SDK2: variants seen among roughly 807,000 people sequenced by gnomAD.
The protein encoded by SDK2 is protein sidekick-2.
In SDK2, 105 loss-of-function variants were observed where a neutral mutation model predicts 253.9. The observed-to-expected ratio is 0.41, with a 90% CI of 0.35 to 0.49. SDK2 has a LOEUF of 0.49. Ranked by LOEUF, SDK2 falls within the 20% of genes least tolerant of loss-of-function variation. The pLI, the probability that SDK2 is intolerant of heterozygous loss-of-function variation, is 0.06. For missense variants in SDK2, 2,608 were observed against 3,003.0 expected (o/e 0.87, Z 3.07); for synonymous variants, 1,249 against 1,234.9 (o/e 1.01, Z -0.24).
intron 1 of SDK2, among the ~76,000 whole-genome samples, chr17:73,592,352 G>A (rs1206499083): frequency 2.0e-5 from 3 of 152,248 alleles, no homozygotes; most frequent in Non-Finnish European, 4.4e-5. Flanking sequence ...GATCAGAAAT[G>A]TGTAAGAGCA....
intron 1 of SDK2, among the ~76,000 whole-genome samples, chr17:73,587,115 C>G (rs929145657): frequency 3.9e-5 from 6 of 152,194 alleles, no homozygotes; most frequent in African/African-American, 1.4e-4. Flanking sequence ...CAAGACTATC[C>G]ACCCAGCTAC....
chr17:73,558,737 A>T (rs2045183250), intron 1 of SDK2, among the ~76,000 whole-genome samples: 1 of 152,072 alleles, frequency 6.6e-6, no homozygotes, highest in Non-Finnish European at 1.5e-5. Context: ...AAGTTAACAG[A>T]ACTTCAGGGC....
At chr17:73,585,661 C>T (rs2045593647) in intron 1 of SDK2, among the ~76,000 whole-genome samples, 1 of 152,186 alleles carries the variant, frequency 6.6e-6, no homozygotes, top group South Asian at 2.1e-4. Flanking sequence ...GGCCTGACTA[C>T]CCCCTACACT....
intron 16 of SDK2, among the ~76,000 whole-genome samples, chr17:73,417,634 G>A (rs2063193786): frequency 2.0e-5 from 3 of 152,028 alleles, no homozygotes; most frequent in South Asian, 4.1e-4. Flanking sequence ...GAACTTGCAG[G>A]TCTCAGCCTT....
chr17:73,610,656 T>G (rs1227389595), intron 1 of SDK2, among the ~76,000 whole-genome samples: 1 of 152,100 alleles, frequency 6.6e-6, no homozygotes, highest in Non-Finnish European at 1.5e-5. Context: ...AACTGGTGTT[T>G]CTGTGTGTGC....
At chr17:73,412,014 A>G (rs2063133550) in intron 18 of SDK2, among the ~76,000 whole-genome samples, 4 of 49,534 alleles carry the variant, frequency 8.1e-5, no homozygotes, top group African/African-American at 3.9e-4. Context: ...ATATATGTAG[A>G]TATACGTATA....
chr17:73,346,914 T>G (rs1160961637), intron 44 of SDK2, among the ~76,000 whole-genome samples: 1 of 152,190 alleles, frequency 6.6e-6, no homozygotes. Context: ...TTGCACAAAC[T>G]GTCACAGGCA....
Position 73,390,421 on chromosome 17 carries a change from A to T in SDK2, c.4058T>A (p.Leu1353Gln). ...TGTGTACTGCCGGGCGCTGGGTGCCAGCACCTCCACAGTGGCGGTGTTGGC... is the reference window on the plus strand; with the variant it reads ...TGTGTACTGCCGGGCGCTGGGTGCCTGCACCTCCACAGTGGCGGTGTTGGC... ...TTANTATVEV[L>Q]APSARQYTAT... is the part of the protein sequence containing the mutation. The change falls in exon 29 of 45, where the codon CTG (leucine) becomes CAG (glutamine). Residue 1353 changes from leucine (L) to glutamine (Q), a missense_variant. Around this residue, in one of 2 missense-constraint regions of SDK2, gnomAD observed 1,103 missense variants for 1,143.9 expected, o/e 0.96. Transcript: ENST00000392650. 1 of 1,612,998 alleles carries T rather than the reference A, an allele frequency of 6.2e-7. No individual in the cohort carries two copies. The highest frequency in any genetic ancestry group is 8.5e-7 in the Non-Finnish European group (1 of 1,179,602).
intron 36 of SDK2, among the ~76,000 whole-genome samples, chr17:73,376,905 A>G (rs552826385): frequency 1.3e-5 from 2 of 150,720 alleles, no homozygotes; most frequent in African/African-American, 2.5e-5. Context: ...TGAGACTCTT[A>G]TGCTGGATTC....
chr17:73,367,582 A>C (rs1386978477), intron 37 of SDK2, among the ~76,000 whole-genome samples: 3 of 151,350 alleles, frequency 2.0e-5, no homozygotes. Context: ...GGCTCACTGC[A>C]ACCTCCACCT....
chr17:73,507,303 A>T, intron 2 of SDK2, 135 bp downstream of exon 2: 2 of 931,818 alleles, frequency 2.1e-6, no homozygotes, highest in Non-Finnish European at 3.1e-6. Flanking sequence ...TGCCTTTGCC[A>T]CTCACTTCCA....
At chr17:73,527,320 G>C (rs1306605537) in intron 1 of SDK2, among the ~76,000 whole-genome samples, 1 of 152,240 alleles carries the variant, frequency 6.6e-6, no homozygotes, top group East Asian at 1.9e-4. Context: ...GCAAGAGTGG[G>C]GGAAGGGGTG....
At chr17:73,500,058 G>A (rs1326971427) in intron 2 of SDK2, among the ~76,000 whole-genome samples, 3 of 151,898 alleles carry the variant, frequency 2.0e-5, no homozygotes, top group African/African-American at 7.3e-5. Context: ...GAGTGGCAGG[G>A]TCCATCCTTC....
intron 1 of SDK2, among the ~76,000 whole-genome samples, chr17:73,623,748 C>A (rs940915596): frequency 6.6e-6 from 1 of 152,128 alleles, no homozygotes; most frequent in Non-Finnish European, 1.5e-5. Context: ...TGCTTCTTCA[C>A]GCCTGTGGGC....
intron 2 of SDK2, among the ~76,000 whole-genome samples, chr17:73,488,819 G>A (rs1025434481): frequency 2.0e-5 from 3 of 152,122 alleles, no homozygotes; most frequent in African/African-American, 7.2e-5. Flanking sequence ...TGTTGCTAAT[G>A]AAGTTTTTGC....
intron 1 of SDK2, among the ~76,000 whole-genome samples, chr17:73,522,011 G>A (rs374069055): frequency 7.9e-5 from 12 of 152,294 alleles, no homozygotes; most frequent in African/African-American, 2.6e-4. Context: ...AACTATTCAC[G>A]GCCTCACTTT....
Position 73,643,453 on chromosome 17 carries a change from AC to A in SDK2, c.64+571del, listed in dbSNP as rs1280576556. 6.6e-6 allele frequency among the ~76,000 whole-genome samples: 1 copy of A among 151,766 alleles called. No individual in the cohort carries two copies. Among genetic ancestry groups the A allele is most frequent in the Non-Finnish European group, 1.5e-5 (1 of 67,902 alleles). ...TGGCTCCAGGCCCGCGCAGCGAAGCACCCCCAGCCCCAGCGGCTGGCCGAGC... is the reference window on the plus strand; with the variant it reads ...TGGCTCCAGGCCCGCGCAGCGAAGCACCCCAGCCCCAGCGGCTGGCCGAGC... On this transcript the variant is annotated intron_variant, in intron 1 of 44. Coordinates refer to ENST00000392650, the MANE Select transcript of SDK2 (RefSeq NM_001144952.2). This position sits in a 1 kb window ranked among gnomAD's most constrained non-coding sequence, Gnocchi z 6.9.
chr17:73,506,724 G>A (rs2063938635), intron 2 of SDK2, among the ~76,000 whole-genome samples: 1 of 152,240 alleles, frequency 6.6e-6, no homozygotes, highest in South Asian at 2.1e-4. Flanking sequence ...GCAGAAAGGA[G>A]GGAGTGCCTG....
intron 1 of SDK2, among the ~76,000 whole-genome samples, chr17:73,583,446 G>A (rs373465186): frequency 2.6e-5 from 4 of 152,208 alleles, no homozygotes; most frequent in African/African-American, 7.2e-5. Flanking sequence ...CCTGCATCTC[G>A]TGATGCATCC....
Sources: gnomAD v4.1 joint callset for allele counts (sites outside exome capture counted in the v4.1 genomes callset) on GRCh38, gnomAD v4.1.1 for gene constraint, gnomAD v4.1.1 regional missense constraint, Gnocchi (gnomAD v3.1) non-coding constraint, MANE v1.5 for transcripts, NCBI Gene and HGNC (gene_info 2026-07-23, HGNC 2026-07-21) for gene names.